The following NDRG3 variants were observed in gnomAD, a reference collection of about 807,000 sequenced individuals.
NDRG3 encodes the protein NDRG family member 3, also known as protein NDRG3.
NDRG3 carries 23 observed loss-of-function variants against 57.2 expected under a neutral mutation model. The observed-to-expected ratio is 0.40, with a 90% CI of 0.29 to 0.57. The LOEUF (loss-of-function observed/expected upper bound fraction) is 0.57, where lower values mean the gene tolerates loss of function less well. Among genes scored for constraint, NDRG3 ranks in the 20% least tolerant of loss-of-function variants. The pLI is 0.42. For synonymous variants in NDRG3, 132 were observed against 162.6 expected (o/e 0.81, Z 1.43); for missense variants, 384 against 457.3 (o/e 0.84, Z 1.46).
At chr20:36,692,642 ATT>A (rs1298011674) in intron 3 of NDRG3, among the ~76,000 whole-genome samples, 1 of 152,120 alleles carries the variant, frequency 6.6e-6, no homozygotes, top group Non-Finnish European at 1.5e-5. Flanking sequence ...CCCTACAGCA[ATT>A]TTACATATAG....
chr20:36,665,190 A>AT (rs774823176), intron 11 of NDRG3, 46 bp downstream of exon 11: 1 of 1,608,410 alleles, frequency 6.2e-7, no homozygotes, highest in Non-Finnish European at 8.5e-7. Flanking sequence ...TGAACACCAA[A>AT]TTAGTCTATA....
chr20:36,700,927 T>C (rs1279110358), intron 3 of NDRG3, among the ~76,000 whole-genome samples: 1 of 151,944 alleles, frequency 6.6e-6, no homozygotes, highest in Non-Finnish European at 1.5e-5. Context: ...ATGCTTGCCA[T>C]CATACCCAGC....
At chr20:36,665,378 C>T in intron 10 of NDRG3, 77 bp from the exon 11 acceptor site, 1 of 1,266,296 alleles carries the variant, frequency 7.9e-7, no homozygotes, top group Non-Finnish European at 1.1e-6. Context: ...GTCATAAACA[C>T]CAAAATTTAT....
chr20:36,709,517 T>C (rs1983746898), intron 2 of NDRG3, among the ~76,000 whole-genome samples: 1 of 152,138 alleles, frequency 6.6e-6, no homozygotes, highest in Non-Finnish European at 1.5e-5. Flanking sequence ...ACAGTCACAG[T>C]ATGGAAAGAC....
chr20:36,743,838 C>CA (rs1986044504), intron 1 of NDRG3, among the ~76,000 whole-genome samples: 1 of 146,072 alleles, frequency 6.8e-6, no homozygotes, highest in African/African-American at 2.5e-5. Context: ...CAAAAACAAA[C>CA]AAAAAACAAA....
intron 2 of NDRG3, among the ~76,000 whole-genome samples, chr20:36,716,637 C>T (rs1984297978): frequency 1.3e-5 from 2 of 152,106 alleles, no homozygotes; most frequent in Admixed American, 1.3e-4. Flanking sequence ...CCCCTTTCTG[C>T]TATTTCCTCA....
rs1979525410 is a variant in NDRG3, at chr20:36,665,263, TGGCCCAGTATGG to T, written c.719_730del (p.Pro240_Gly243del). ...TAATGTTTTTGATTTGTTATCATTT[TGGCCCAGTATGG>T]GTCTTTCGATCTCCAGGTCTCTGCG... On this transcript the variant is annotated inframe_deletion, in exon 11 of 16. Transcript: ENST00000349004. 1 of 1,614,116 alleles carries T rather than the reference TGGCCCAGTATGG, an allele frequency of 6.2e-7. No individual in the cohort carries two copies. Among genetic ancestry groups the T allele is most frequent in the Admixed American group, 1.7e-5 (1 of 60,000 alleles).
chr20:36,688,742 T>C lies in NDRG3; in HGVS notation c.136A>G (p.Ile46Val), dbSNP rs748471547. The C allele has an allele frequency of 6.2e-6, 10 of 1,614,050 alleles. No individual in the cohort carries two copies. Among genetic ancestry groups the C allele is most frequent in the South Asian group, 2.2e-5 (2 of 91,086 alleles). Residue 46 changes from isoleucine (I) to valine (V), a missense_variant, in exon 4 of 16, where the codon ATA becomes GTA. Physicochemically the swap from Ile to Val is conservative, Grantham distance 29. Transcript: ENST00000349004. Reference sequence around the variant, plus strand: ...CTGTTTCCTTTGGGTAAGCCTCTTATAGTGACGTGGACCACACCATGAGTT... The same window carrying C: ...CTGTTTCCTTTGGGTAAGCCTCTTACAGTGACGTGGACCACACCATGAGTT... Reference protein sequence around the residue: ...ETTHGVVHVTIRGLPKGNRPV... With the variant: ...ETTHGVVHVTVRGLPKGNRPV...
intron 2 of NDRG3, among the ~76,000 whole-genome samples, chr20:36,715,830 T>TA (rs1984241600): frequency 1.3e-5 from 2 of 150,802 alleles, no homozygotes; most frequent in South Asian, 2.1e-4. Flanking sequence ...CTGTCTCAAA[T>TA]AAAAAAAAGA....
intron 3 of NDRG3, among the ~76,000 whole-genome samples, chr20:36,697,887 T>C (rs1445155889): frequency 6.6e-6 from 1 of 151,990 alleles, no homozygotes; most frequent in African/African-American, 2.4e-5. Flanking sequence ...ATATAGTTTA[T>C]ACAATCATGA....
intron 3 of NDRG3, among the ~76,000 whole-genome samples, chr20:36,693,327 A>G (rs1320333856): frequency 6.6e-6 from 1 of 150,602 alleles, no homozygotes; most frequent in African/African-American, 2.4e-5. Flanking sequence ...CTCAAACAAC[A>G]CAAGGGTTAG....
At chr20:36,730,101 G>A (rs1985183646) in intron 1 of NDRG3, among the ~76,000 whole-genome samples, 1 of 151,532 alleles carries the variant, frequency 6.6e-6, no homozygotes. Context: ...ACAAAAATTA[G>A]CCGGGCATGA....
chr20:36,695,563 G>T (rs991156176), intron 3 of NDRG3, among the ~76,000 whole-genome samples: 4 of 152,196 alleles, frequency 2.6e-5, no homozygotes, highest in Admixed American at 1.3e-4. Context: ...GGGAGTGTCT[G>T]CCTTATGCAG....
chr20:36,722,270 A>G (rs990922372), intron 1 of NDRG3, among the ~76,000 whole-genome samples: 4 of 152,164 alleles, frequency 2.6e-5, no homozygotes, highest in Admixed American at 1.3e-4. Context: ...TGCCAACAAC[A>G]GGAGCCTGGA....
intron 2 of NDRG3, among the ~76,000 whole-genome samples, chr20:36,715,943 C>T (rs1568662538): frequency 1.4e-5 from 2 of 147,972 alleles, no homozygotes; most frequent in Non-Finnish European, 3.0e-5. Context: ...GGCAAAGCTC[C>T]GTCTCTAAAA....
chr20:36,728,639 G>C (rs892773722), intron 1 of NDRG3, among the ~76,000 whole-genome samples: 4 of 152,178 alleles, frequency 2.6e-5, no homozygotes, highest in Non-Finnish European at 5.9e-5. Context: ...ATGCTTAAAC[G>C]CTAGTAAGTA....
intron 2 of NDRG3, among the ~76,000 whole-genome samples, chr20:36,714,990 G>C (rs1489281369): frequency 4.5e-5 from 2 of 44,642 alleles, no homozygotes; most frequent in African/African-American, 1.9e-4. Flanking sequence ...ATCTGTGTGT[G>C]TGTGTGTGTG....
intron 3 of NDRG3, among the ~76,000 whole-genome samples, chr20:36,691,857 A>G (rs997265363): frequency 6.6e-6 from 1 of 152,348 alleles, no homozygotes; most frequent in Non-Finnish European, 1.5e-5. Flanking sequence ...TTAAACATCT[A>G]TTTATTGAAT....
intron 3 of NDRG3, among the ~76,000 whole-genome samples, chr20:36,695,645 G>C (rs1391261670): frequency 6.6e-6 from 1 of 152,180 alleles, no homozygotes; most frequent in Non-Finnish European, 1.5e-5. Flanking sequence ...GGAAATTCCA[G>C]CCTGGCAAAT....
Sources: allele counts gnomAD v4.1 joint callset (sites outside exome capture counted in the v4.1 genomes callset), GRCh38; gene constraint gnomAD v4.1.1; transcripts MANE v1.5; gene names NCBI Gene and HGNC (gene_info 2026-07-23, HGNC 2026-07-21).